GPC5: variants seen among roughly 807,000 people sequenced by gnomAD.
GPC5 encodes the protein glypican 5, also known as glypican-5.
In GPC5, 47 loss-of-function variants were observed where a neutral mutation model predicts 53.9. The ratio of observed to expected loss-of-function variants is 0.87; its 90% CI spans 0.69 to 1.11. The LOEUF (loss-of-function observed/expected upper bound fraction) is 1.11. Among genes scored for constraint, GPC5 ranks in the 50% most tolerant of loss-of-function variants. GPC5 has a pLI of 0.00. For synonymous variants in GPC5, 286 were observed against 263.3 expected (o/e 1.09, Z -0.84); for missense variants, 748 against 713.1 (o/e 1.05, Z -0.56).
chr13:92,767,366 G>A (rs916492394), intron 7 of GPC5, among the ~76,000 whole-genome samples: 2 of 152,128 alleles, frequency 1.3e-5, no homozygotes, highest in South Asian at 2.1e-4. Flanking sequence ...AGCTACTTGG[G>A]AGGCTGAGGC....
At chr13:92,161,992 T>C (rs946193963) in intron 7 of GPC5, among the ~76,000 whole-genome samples, 6 of 118,004 alleles carry the variant, frequency 5.1e-5, no homozygotes, top group Admixed American at 3.7e-4. Flanking sequence ...TATATATATA[T>C]ATATGAAACT....
intron 6 of GPC5, among the ~76,000 whole-genome samples, chr13:92,127,311 G>GTA (rs936190892): frequency 1.3e-5 from 2 of 151,246 alleles, no homozygotes; most frequent in African/African-American, 2.4e-5. Flanking sequence ...GTATATATGT[G>GTA]TATATATATG....
intron 2 of GPC5, among the ~76,000 whole-genome samples, chr13:91,571,833 A>ACACATACGTGTGTGTATGTATACACG (rs760181408): frequency 1.1e-5 from 1 of 87,222 alleles, no homozygotes; most frequent in African/African-American, 7.0e-5. Flanking sequence ...ATATATACAC[A>ACACATACGTGTGTGTATGTATACACG]TATACTTGTG....
chr13:92,768,827 TTATC>T (rs1875508794), intron 7 of GPC5, among the ~76,000 whole-genome samples: 1 of 151,628 alleles, frequency 6.6e-6, no homozygotes, highest in Non-Finnish European at 1.5e-5. Context: ...CAGCTGCAAT[TTATC>T]TACTATCTTC....
chr13:91,413,803 C>T (rs1358942672), intron 1 of GPC5, among the ~76,000 whole-genome samples: 7 of 152,094 alleles, frequency 4.6e-5, no homozygotes, highest in East Asian at 1.9e-4. Context: ...GCTCTTTCTC[C>T]GCATTTGGAA....
At chr13:92,599,650 T>C (rs1051524409) in intron 7 of GPC5, among the ~76,000 whole-genome samples, 1 of 152,148 alleles carries the variant, frequency 6.6e-6, no homozygotes, top group Non-Finnish European at 1.5e-5. Context: ...AACAGGATAA[T>C]GGCATGAGGA....
chr13:91,891,287 G>A lies in GPC5; in HGVS notation c.1281-16650G>A, dbSNP rs544710321. Among the ~76,000 whole-genome samples the A allele has an allele frequency of 7.2e-4, 109 of 152,130 alleles. 1 individual carries two copies. The highest frequency in any genetic ancestry group is 2.5e-3 in the African/African-American group (103 of 41,520). On this transcript the variant is annotated intron_variant, in intron 5 of 7. Transcript: ENST00000377067. ...AAACCTCTTGAGCCTAGGAAGCTTC[G>A]CCAAGGCAGATTTTATGTGCTGTCT...
chr13:91,717,948 G>A (rs1341812537), intron 3 of GPC5, among the ~76,000 whole-genome samples: 4 of 152,056 alleles, frequency 2.6e-5, no homozygotes. Flanking sequence ...TGGTCATATC[G>A]ATTTCTTCTC....
chr13:91,572,144 TATATACGTGTGTATAC>T (rs1269909353), intron 2 of GPC5, among the ~76,000 whole-genome samples: 5 of 144,026 alleles, frequency 3.5e-5, no homozygotes, highest in Non-Finnish European at 6.1e-5. Flanking sequence ...CACATATGTA[TATATACGTGTGTATAC>T]ACACACATAT....
intron 7 of GPC5, among the ~76,000 whole-genome samples, chr13:92,145,896 G>T (rs1460870945): frequency 3.9e-5 from 6 of 152,070 alleles, no homozygotes; most frequent in African/African-American, 1.4e-4. Flanking sequence ...GGTGGGAGAA[G>T]AATTCATTTA....
intron 7 of GPC5, chr13:92,242,060 C>T (rs1379199742): frequency 6.6e-6 from 1 of 152,380 alleles, no homozygotes; most frequent in African/African-American, 2.4e-5. Flanking sequence ...TGGCAAAACC[C>T]CATCTCTGCT....
In GPC5 at chr13:92,218,385, T is replaced by TGGAC. The variant is rs531101877; in HGVS notation, c.1561+73398_1561+73401dup. ...TCTTCATTCACTTCCATCTAGTTTC[T>TGGAC]GGACGTACATGGTCAAGTGATGTTA... On this transcript the variant is annotated intron_variant, in intron 7 of 7. Coordinates refer to ENST00000377067, the MANE Select transcript of GPC5 (RefSeq NM_004466.6). Among the ~76,000 whole-genome samples the TGGAC allele has an allele frequency of 7.6e-4, 116 of 152,344 alleles. 1 individual carries two copies. Among genetic ancestry groups the TGGAC allele is most frequent in the African/African-American group, 2.4e-3 (101 of 41,590 alleles).
chr13:91,503,145 C>T (rs187809541), intron 2 of GPC5, among the ~76,000 whole-genome samples: 125 of 151,956 alleles, frequency 8.2e-4, no homozygotes, highest in African/African-American at 2.9e-3. Context: ...ATCAGTACAG[C>T]ACAGAGAGAA....
At chr13:92,330,201 T>C (rs1479692422) in intron 7 of GPC5, among the ~76,000 whole-genome samples, 3 of 152,082 alleles carry the variant, frequency 2.0e-5, no homozygotes, top group South Asian at 2.1e-4. Flanking sequence ...TGGAGGGAAA[T>C]TGTAGGACTG....
At chr13:92,169,216 A>G (rs961418961) in intron 7 of GPC5, among the ~76,000 whole-genome samples, 17 of 152,256 alleles carry the variant, frequency 1.1e-4, no homozygotes, top group Non-Finnish European at 1.8e-4. Flanking sequence ...TTGGGAAAAA[A>G]TAGCTAATGC....
At chr13:91,936,528 C>G (rs917917898) in intron 6 of GPC5, among the ~76,000 whole-genome samples, 1 of 152,006 alleles carries the variant, frequency 6.6e-6, no homozygotes. Flanking sequence ...AAACTTGTAA[C>G]GAAAGTATAC....
At chr13:91,736,076 A>G (rs1771341330) in intron 4 of GPC5, among the ~76,000 whole-genome samples, 1 of 151,374 alleles carries the variant, frequency 6.6e-6, no homozygotes, top group South Asian at 2.1e-4. Context: ...TAAAATCAGT[A>G]TATATTTTCA....
chr13:92,478,486 C>T (rs892252928), intron 7 of GPC5, among the ~76,000 whole-genome samples: 23 of 152,052 alleles, frequency 1.5e-4, no homozygotes, highest in Admixed American at 3.9e-4. Flanking sequence ...GCCATCACAG[C>T]GATCATTATC....
intron 7 of GPC5, among the ~76,000 whole-genome samples, chr13:92,282,541 C>T (rs565128023): frequency 9.9e-5 from 15 of 152,236 alleles, no homozygotes; most frequent in East Asian, 1.9e-4. Flanking sequence ...AGACTAACAG[C>T]GGATCTTTTG....
Sources: allele counts gnomAD v4.1 joint callset (sites outside exome capture counted in the v4.1 genomes callset), GRCh38; gene constraint gnomAD v4.1.1; transcripts MANE v1.5; gene names NCBI Gene and HGNC (gene_info 2026-07-23, HGNC 2026-07-21).